The following THRB variants were observed in gnomAD, a reference collection of about 807,000 sequenced individuals.
THRB encodes nuclear receptor subfamily 1 group A member 2.
A neutral mutation model predicts 47.8 loss-of-function variants in THRB; 12 were observed. That is an observed-to-expected ratio of 0.25 (90% CI 0.16 to 0.41). The LOEUF is 0.41. Among genes scored for constraint, THRB ranks in the 10% least tolerant of loss-of-function variants. The probability of loss-of-function intolerance (pLI) is 1.00; values close to 1 mark genes in which losing one functional copy is unlikely to be tolerated. For missense variants in THRB, 348 were observed against 589.2 expected (o/e 0.59, Z 4.24); for synonymous variants, 218 against 212.2 (o/e 1.03, Z -0.24).
At chr3:24,451,229 C>A (rs897643418) in intron 1 of THRB, among the ~76,000 whole-genome samples, 2 of 95,360 alleles carry the variant, frequency 2.1e-5, no homozygotes, top group Non-Finnish European at 4.0e-5. Context: ...ACTACATGTA[C>A]TTTTTTTTTT....
chr3:24,464,510 C>T (rs1370421676), intron 1 of THRB, among the ~76,000 whole-genome samples: 1 of 152,066 alleles, frequency 6.6e-6, no homozygotes. Context: ...TTTTGAGTTA[C>T]TATTTTTAGG....
chr3:24,471,505 C>A (rs2074568263), intron 1 of THRB, among the ~76,000 whole-genome samples: 1 of 152,122 alleles, frequency 6.6e-6, no homozygotes, highest in Non-Finnish European at 1.5e-5. Flanking sequence ...CTTTTTCAGG[C>A]CTTCTTGATT....
intron 1 of THRB, among the ~76,000 whole-genome samples, chr3:24,409,827 T>C (rs996995679): frequency 1.3e-5 from 2 of 151,826 alleles, no homozygotes; most frequent in Non-Finnish European, 2.9e-5. Context: ...CAGGATTCCA[T>C]ATGTTCCTGA....
At chr3:24,138,603 C>T (rs531486184) in intron 8 of THRB, among the ~76,000 whole-genome samples, 2 of 152,310 alleles carry the variant, frequency 1.3e-5, no homozygotes, top group African/African-American at 4.8e-5. Flanking sequence ...CTGTCTGGTT[C>T]CAATCTCCAT....
At chr3:24,140,090 A>G (rs369291830) in intron 8 of THRB, among the ~76,000 whole-genome samples, 297 of 152,362 alleles carry the variant, frequency 1.9e-3, no homozygotes, top group African/African-American at 7.0e-3. Flanking sequence ...ATGTCCTTGC[A>G]GGACTAATTC....
chr3:24,205,897 A>G (rs1202731036), intron 4 of THRB, among the ~76,000 whole-genome samples: 1 of 152,238 alleles, frequency 6.6e-6, no homozygotes, highest in African/African-American at 2.4e-5. Flanking sequence ...ATCAAAAGAG[A>G]CAAAGAAGGC....
At chr3:24,260,465 T>C (rs886464840) in intron 3 of THRB, among the ~76,000 whole-genome samples, 2 of 152,222 alleles carry the variant, frequency 1.3e-5, no homozygotes, top group Non-Finnish European at 2.9e-5. Flanking sequence ...TGGAAAGCAA[T>C]GTTTGCCTGT....
chr3:24,203,590 G>A (rs2044868064), intron 4 of THRB, among the ~76,000 whole-genome samples: 1 of 152,194 alleles, frequency 6.6e-6, no homozygotes, highest in Admixed American at 6.5e-5. Flanking sequence ...CGACGCAGAA[G>A]ATGGGTGATT....
chr3:24,275,636 T>C (rs756946726), intron 3 of THRB, among the ~76,000 whole-genome samples: 1 of 152,218 alleles, frequency 6.6e-6, no homozygotes, highest in Non-Finnish European at 1.5e-5. Context: ...ATGAGCGAGA[T>C]GAAAATGTGT....
chr3:24,468,314 A>G (rs1042170712), intron 1 of THRB, among the ~76,000 whole-genome samples: 1 of 152,216 alleles, frequency 6.6e-6, no homozygotes, highest in Admixed American at 6.5e-5. Context: ...TCACTTTCTT[A>G]TCATTCATGT....
intron 3 of THRB, among the ~76,000 whole-genome samples, chr3:24,239,439 A>G (rs948539547): frequency 6.6e-6 from 1 of 152,128 alleles, no homozygotes; most frequent in African/African-American, 2.4e-5. Context: ...CCAATTTGCA[A>G]GAATTAATCC....
At chr3:24,417,055 A>C (rs947113547) in intron 1 of THRB, among the ~76,000 whole-genome samples, 15 of 151,482 alleles carry the variant, frequency 9.9e-5, no homozygotes, top group Admixed American at 9.9e-4. Flanking sequence ...TATTTCATTT[A>C]TGCATATTTA....
chr3:24,137,725 T>A (rs1390356664), intron 8 of THRB, among the ~76,000 whole-genome samples: 1 of 151,992 alleles, frequency 6.6e-6, no homozygotes, highest in Non-Finnish European at 1.5e-5. Context: ...CTAAATGCAA[T>A]GGGGCATCTA....
chr3:24,154,824 G>A (rs1348911842), intron 5 of THRB, among the ~76,000 whole-genome samples: 1 of 152,164 alleles, frequency 6.6e-6, no homozygotes, highest in Non-Finnish European at 1.5e-5. Context: ...CCAACAGAAT[G>A]AAGACTTTCA....
chr3:24,430,699 AAAG>A (rs1299609447), intron 1 of THRB: 1 of 152,074 alleles, frequency 6.6e-6, no homozygotes, highest in Non-Finnish European at 1.5e-5. Context: ...ACTAACCATA[AAAG>A]AAGAAATTGA....
At position 24,491,719 on chromosome 3, in the gene THRB, C is replaced by T. The variant is rs564932898; in HGVS notation, c.-261+2933G>A. Among the ~76,000 whole-genome samples, 6 of 152,334 alleles carry T rather than the reference C, an allele frequency of 3.9e-5. No individual in the cohort carries two copies. In the South Asian group the frequency reaches 1.2e-3, roughly 32 times the overall value. Reference sequence around the variant, plus strand: ...CCATTGCCAGAGGCACTGCCAGGACCTGCTGAGTGAGAAGACACTGCCATC... The same window carrying T: ...CCATTGCCAGAGGCACTGCCAGGACTTGCTGAGTGAGAAGACACTGCCATC... On this transcript the variant is annotated intron_variant, in intron 1 of 10. Coordinates refer to ENST00000646209, the MANE Select transcript of THRB (RefSeq NM_001354712.2).
chr3:24,425,916 A>T (rs1186202056), intron 1 of THRB, among the ~76,000 whole-genome samples: 4 of 151,984 alleles, frequency 2.6e-5, no homozygotes, highest in Non-Finnish European at 5.9e-5. Flanking sequence ...TAAGTGTAAG[A>T]GTTAAGCACA....
intron 2 of THRB, among the ~76,000 whole-genome samples, chr3:24,321,627 A>G (rs1004267119): frequency 1.3e-5 from 2 of 151,882 alleles, no homozygotes; most frequent in African/African-American, 4.8e-5. Context: ...TTGTATGCTA[A>G]TATAATTTTT....
At chr3:24,488,593 C>T (rs1038730690) in intron 1 of THRB, among the ~76,000 whole-genome samples, 2 of 150,930 alleles carry the variant, frequency 1.3e-5, no homozygotes, top group Admixed American at 1.3e-4. Context: ...ACGATTGTCT[C>T]AGCAGATCTG....
Sources: gnomAD v4.1 joint callset for allele counts (sites outside exome capture counted in the v4.1 genomes callset) on GRCh38, gnomAD v4.1.1 for gene constraint, MANE v1.5 for transcripts, NCBI Gene and HGNC (gene_info 2026-07-23, HGNC 2026-07-21) for gene names.